The following CSMD1 variants were observed in gnomAD, a reference collection of about 807,000 sequenced individuals.
The protein encoded by CSMD1 is CUB and Sushi multiple domains 1.
In CSMD1, 213 loss-of-function variants were observed where a neutral mutation model predicts 417.5. That is an observed-to-expected ratio of 0.51 (90% CI 0.46 to 0.57). CSMD1 has a LOEUF of 0.57. Among genes scored for constraint, CSMD1 ranks in the 20% least tolerant of loss-of-function variants. The pLI, the probability that CSMD1 is intolerant of heterozygous loss-of-function variation, is 0.00. For missense variants in CSMD1, 6,923 were observed against 4,529.7 expected (o/e 1.53, Z -15.17); for synonymous variants, 2,862 against 1,736.8 (o/e 1.65, Z -16.11).
chr8:4,298,877 C>T (rs1482453355), intron 3 of CSMD1, among the ~76,000 whole-genome samples: 1 of 151,930 alleles, frequency 6.6e-6, no homozygotes, highest in Non-Finnish European at 1.5e-5. Flanking sequence ...TTTAATTAGA[C>T]TTAAATGAGT....
chr8:3,165,344 T>C (rs149159691), intron 37 of CSMD1, among the ~76,000 whole-genome samples: 108 of 152,306 alleles, frequency 7.1e-4, no homozygotes, highest in African/African-American at 2.5e-3. Flanking sequence ...ATTTCTCTCA[T>C]AAAGATGCAC....
At chr8:3,424,916 T>C (rs751872118) in intron 12 of CSMD1, among the ~76,000 whole-genome samples, 2 of 152,192 alleles carry the variant, frequency 1.3e-5, no homozygotes, top group Admixed American at 6.5e-5. Context: ...CTCACTATGA[T>C]CTCAGGCTCC....
intron 3 of CSMD1, among the ~76,000 whole-genome samples, chr8:4,115,901 T>A (rs1191276999): frequency 6.6e-6 from 1 of 152,030 alleles, no homozygotes; most frequent in Admixed American, 6.6e-5. Flanking sequence ...AGAAGAAAGA[T>A]CAGTGGTTGC....
intron 18 of CSMD1, chr8:3,373,218 A>T (rs7843945): frequency 0.3 from 46,004 of 151,774 alleles, 7,671 homozygotes; most frequent in African/African-American, 0.47. Flanking sequence ...ATCATCAGGA[A>T]AAGTTACTTG....
rs537049300 is a variant in CSMD1, at chr8:4,011,334, C to G, written c.611-13224G>C. 2.0e-5 allele frequency among the ~76,000 whole-genome samples: 3 copies of G among 152,290 alleles called. No individual in the cohort carries two copies. The South Asian group carries it at 6.2e-4, about 32-fold the overall frequency. On this transcript the variant is annotated intron_variant, in intron 4 of 69. Transcript: ENST00000635120. ...GCATATAACCGTGCTCCAATTGCCC[C>G]CATTCAAAAACAATGTTATAGACTT...
chr8:4,316,536 G>C (rs1037648152), intron 3 of CSMD1, among the ~76,000 whole-genome samples: 3 of 151,972 alleles, frequency 2.0e-5, no homozygotes, highest in Non-Finnish European at 4.4e-5. Context: ...TAGATTTCTG[G>C]TAAAATAATT....
intron 33 of CSMD1, among the ~76,000 whole-genome samples, 194 bp downstream of exon 33, chr8:3,199,520 T>C (rs1464023336): frequency 6.6e-6 from 1 of 152,162 alleles, no homozygotes; most frequent in African/African-American, 2.4e-5. Flanking sequence ...GTAGTAGAAA[T>C]ATGAGTTTCA....
intron 7 of CSMD1, among the ~76,000 whole-genome samples, chr8:3,682,807 G>A (rs951132634): frequency 1.3e-5 from 2 of 152,178 alleles, no homozygotes; most frequent in Non-Finnish European, 2.9e-5. Flanking sequence ...GTCCAACAAT[G>A]ACAGATGGGA....
chr8:3,796,381 T>G (rs201670966), intron 5 of CSMD1, among the ~76,000 whole-genome samples: 1,794 of 39,456 alleles, frequency 0.045, 431 homozygotes, highest in Middle Eastern at 0.1. Flanking sequence ...ATCATGTATA[T>G]ATATATCTAT....
chr8:4,051,590 G>A (rs1798426446), intron 3 of CSMD1, among the ~76,000 whole-genome samples: 1 of 152,160 alleles, frequency 6.6e-6, no homozygotes, highest in Non-Finnish European at 1.5e-5. Flanking sequence ...GTCCTCAGAA[G>A]TGCTAAGTGC....
intron 25 of CSMD1, among the ~76,000 whole-genome samples, chr8:3,290,542 T>G (rs1803473271): frequency 6.9e-6 from 1 of 145,836 alleles, no homozygotes. Context: ...GTCCTTCACA[T>G]CCCTTGTAAG....
intron 1 of CSMD1, among the ~76,000 whole-genome samples, chr8:4,691,491 A>G (rs1277976062): frequency 2.6e-5 from 4 of 152,228 alleles, no homozygotes; most frequent in East Asian, 3.9e-4. Context: ...TGTGAAGGTT[A>G]TTTGTATTTT....
At chr8:3,181,267 C>G (rs548002756) in intron 36 of CSMD1, 53 bp from the exon 37 acceptor site, 6 of 1,228,676 alleles carry the variant, frequency 4.9e-6, no homozygotes, top group Non-Finnish European at 7.1e-6. Context: ...ATTCACTTTT[C>G]TAAATATAAA....
At chr8:3,650,353 C>A (rs751403383) in intron 7 of CSMD1, among the ~76,000 whole-genome samples, 3 of 151,952 alleles carry the variant, frequency 2.0e-5, no homozygotes, top group Non-Finnish European at 4.4e-5. Context: ...GATGAGTATA[C>A]CTTTACTTAC....
intron 1 of CSMD1, among the ~76,000 whole-genome samples, chr8:4,703,850 G>C (rs138953277): frequency 6.8e-4 from 103 of 152,270 alleles, no homozygotes; most frequent in African/African-American, 2.4e-3. Context: ...TTCTCTGGCA[G>C]ACAATTTTTC....
Position 4,420,029 on chromosome 8 carries a change from A to G in CSMD1, c.339T>C (p.Ser113=), listed in dbSNP as rs1326653251. The G allele has an allele frequency of 1.3e-6, 2 of 1,580,514 alleles. No homozygotes were observed. Among genetic ancestry groups the G allele is most frequent in the South Asian group, 2.3e-5 (2 of 86,098 alleles). Residue 113 remains serine (S), a synonymous_variant, in exon 3 of 70, where the codon AGT becomes AGC. Transcript: ENST00000635120. ...SGFQLPSSIV[S]TGSILTLWFT... Reference sequence around the variant, plus strand: ...ACCACAGAGTGAGGATAGATCCTGTACTCACTATAGAGGAGGGCAGCTGAA... The same window carrying G: ...ACCACAGAGTGAGGATAGATCCTGTGCTCACTATAGAGGAGGGCAGCTGAA...
chr8:4,566,758 T>C (rs1016877505), intron 2 of CSMD1, among the ~76,000 whole-genome samples: 10 of 151,612 alleles, frequency 6.6e-5, no homozygotes, highest in Non-Finnish European at 1.3e-4. Context: ...GCACTTTATA[T>C]AACAAAATTT....
intron 7 of CSMD1, among the ~76,000 whole-genome samples, chr8:3,618,403 G>A (rs996174352): frequency 6.6e-6 from 1 of 152,072 alleles, no homozygotes; most frequent in African/African-American, 2.4e-5. Context: ...TTCATTCTTA[G>A]TAAGTACTTC....
At chr8:3,373,946 C>G (rs372350397) in intron 18 of CSMD1, among the ~76,000 whole-genome samples, 7,329 of 117,292 alleles carry the variant, frequency 0.062, 181 homozygotes, top group Middle Eastern at 0.12. Context: ...AGTAAAGCAT[C>G]CAACTATTTT....
Sources: gnomAD v4.1 joint callset for allele counts (sites outside exome capture counted in the v4.1 genomes callset) on GRCh38, gnomAD v4.1.1 for gene constraint, MANE v1.5 for transcripts, NCBI Gene and HGNC (gene_info 2026-07-23, HGNC 2026-07-21) for gene names.